The following TBCD variants were observed in gnomAD, a reference collection of about 807,000 sequenced individuals.
The protein encoded by TBCD is tubulin-specific chaperone D.
TBCD carries 105 observed loss-of-function variants against 169.3 expected under a neutral mutation model. The ratio of observed to expected loss-of-function variants is 0.62; its 90% CI spans 0.53 to 0.73. The LOEUF (loss-of-function observed/expected upper bound fraction) is 0.73, where lower values mean the gene tolerates loss of function less well. Among genes scored for constraint, TBCD ranks in the 30% least tolerant of loss-of-function variants. The pLI is 0.00. For synonymous variants in TBCD, 700 were observed against 643.9 expected (o/e 1.09, Z -1.32); for missense variants, 1,444 against 1,600.1 (o/e 0.90, Z 1.66).
intron 3 of TBCD, among the ~76,000 whole-genome samples, chr17:82,765,439 G>A (rs1460797027): frequency 6.6e-6 from 1 of 152,088 alleles, no homozygotes; most frequent in Non-Finnish European, 1.5e-5. Context: ...ACAAGCTTGC[G>A]GGTGTCTGTG....
At chr17:82,852,582 C>T (rs559437757) in intron 13 of TBCD, among the ~76,000 whole-genome samples, 35 of 152,236 alleles carry the variant, frequency 2.3e-4, no homozygotes, top group African/African-American at 7.5e-4. Context: ...TCTTCTTAGG[C>T]GGACACTGGT....
intron 13 of TBCD, among the ~76,000 whole-genome samples, chr17:82,850,227 G>C (rs1373286227): frequency 4.9e-5 from 7 of 141,790 alleles, no homozygotes; most frequent in East Asian, 2.1e-4. Flanking sequence ...GCTGCTGTTG[G>C]CTGTGCTGCT....
chr17:82,851,378 T>A (rs1160261162), intron 13 of TBCD, among the ~76,000 whole-genome samples: 1 of 152,234 alleles, frequency 6.6e-6, no homozygotes, highest in African/African-American at 2.4e-5. Context: ...GTGACGAAAT[T>A]GTGGCCTGCA....
At chr17:82,794,510 T>C (rs988104368) in intron 7 of TBCD, among the ~76,000 whole-genome samples, 35 of 152,130 alleles carry the variant, frequency 2.3e-4, no homozygotes, top group African/African-American at 7.2e-4. Flanking sequence ...TGGTTCCCAT[T>C]ATGCTTCCAT....
rs570154400 is a variant in TBCD at position 82,834,095 on chromosome 17, C to T, written c.1318+19161C>T. Among the ~76,000 whole-genome samples the T allele has an allele frequency of 3.3e-5, 5 of 152,328 alleles. No individual in the cohort carries two copies. The South Asian group carries it at 1.0e-3, about 32-fold the overall frequency. ...GAGTAGCTGGAATTACAGGCGCCCA[C>T]CACCATGCCCAGCTAATTTTTTTTG... On this transcript the variant is annotated intron_variant, in intron 13 of 38. Coordinates refer to ENST00000355528, the MANE Select transcript of TBCD (RefSeq NM_005993.5).
In TBCD at chr17:82,874,591, C is replaced by T. The variant is rs898093; in HGVS notation, c.1475+4211C>T. Among the ~76,000 whole-genome samples, 79,389 of 151,928 alleles carry T rather than the reference C, an allele frequency of 0.52. 21,577 individuals are homozygous for T. The highest frequency in any genetic ancestry group is 0.71 in the East Asian group (3,661 of 5,130). ...CCAAGGGTGCCCTTGGAGCCGTGCCCGCCGGCCTGGGTGTCAGGCTTGTCC... is the reference window on the plus strand; with the variant it reads ...CCAAGGGTGCCCTTGGAGCCGTGCCTGCCGGCCTGGGTGTCAGGCTTGTCC... On this transcript the variant is annotated intron_variant, in intron 14 of 38. Coordinates refer to ENST00000355528, the MANE Select transcript of TBCD (RefSeq NM_005993.5). This position sits in a 1 kb window ranked among gnomAD's most constrained non-coding sequence, Gnocchi z 5.0.
chr17:82,939,923 TCCTCAGGGCCATGAGGC>T (rs1170930866), intron 37 of TBCD, among the ~76,000 whole-genome samples: 1 of 152,166 alleles, frequency 6.6e-6, no homozygotes, highest in Non-Finnish European at 1.5e-5. Flanking sequence ...TCCACCCCCT[TCCTCAGGGCCATGAGGC>T]CCTCAGGAGG....
intron 13 of TBCD, chr17:82,860,320 T>C: frequency 1.0e-6 from 1 of 962,366 alleles, no homozygotes; most frequent in Non-Finnish European, 1.2e-6. Flanking sequence ...GCGCTGAGCG[T>C]CCCCTCCCCT....
chr17:82,820,635 C>A (rs140281480), intron 13 of TBCD, among the ~76,000 whole-genome samples: 1 of 152,054 alleles, frequency 6.6e-6, no homozygotes, highest in Non-Finnish European at 1.5e-5. Flanking sequence ...CTATGAGTCT[C>A]TTAGGTTTTG....
At chr17:82,755,612 C>T (rs189590593) in intron 1 of TBCD, among the ~76,000 whole-genome samples, 1 of 152,222 alleles carries the variant, frequency 6.6e-6, no homozygotes, top group East Asian at 1.9e-4. Flanking sequence ...ATAATGAGGC[C>T]TATGTGGACC....
Position 82,752,242 on chromosome 17 carries a change from G to C in TBCD, c.49G>C (p.Glu17Gln), listed in dbSNP as rs775011890. ...PAAGGPEEEAEDETLAFGAAL... is the reference protein window; with the variant it reads ...PAAGGPEEEAQDETLAFGAAL... ...CGCGGGCGGCCCCGAGGAGGAGGCGGAGGACGAGACACTGGCCTTTGGCGC... is the reference window on the plus strand; with the variant it reads ...CGCGGGCGGCCCCGAGGAGGAGGCGCAGGACGAGACACTGGCCTTTGGCGC... Residue 17 changes from glutamate to glutamine, a missense_variant, in exon 1 of 39, where the codon GAG becomes CAG. Physicochemically the swap from Glu to Gln is conservative, Grantham distance 29. Coordinates refer to ENST00000355528, the MANE Select transcript of TBCD (RefSeq NM_005993.5). 4 of 1,526,296 alleles carry C rather than the reference G, an allele frequency of 2.6e-6. No homozygotes were observed. Among genetic ancestry groups the C allele is most frequent in the Non-Finnish European group, 2.6e-6 (3 of 1,140,474 alleles). The allele number at this position is 1,526,296 out of a possible 1,614,324, so 94.5% of individuals were successfully genotyped here.
At chr17:82,803,211 C>CT (rs1454427498) in intron 9 of TBCD, among the ~76,000 whole-genome samples, 2 of 152,190 alleles carry the variant, frequency 1.3e-5, no homozygotes. Context: ...TAGGGTGGGT[C>CT]TTTCTCAGCT....
chr17:82,890,174 A>AC lies in TBCD; in HGVS notation c.1563+480dup, dbSNP rs1253215359. On this transcript the variant is annotated intron_variant, in intron 16 of 38. Coordinates refer to ENST00000355528, the MANE Select transcript of TBCD (RefSeq NM_005993.5). The surrounding 1 kb of genome is among the most constrained non-coding windows in gnomAD (Gnocchi z 5.3). Reference sequence around the variant, plus strand: ...GGGGCTGCTTTTGCTGTGCCCTCTGACCCTGACATCTGGTCACTGGTCAGC... The same window carrying AC: ...GGGGCTGCTTTTGCTGTGCCCTCTGACCCCTGACATCTGGTCACTGGTCAGC... Among the ~76,000 whole-genome samples, 4 of 152,294 alleles carry AC rather than the reference A, an allele frequency of 2.6e-5. No homozygotes were observed. The East Asian group carries it at 7.7e-4, about 29-fold the overall frequency.
chr17:82,939,510 G>A (rs1275470531), intron 37 of TBCD, 34 bp downstream of exon 37: 1 of 1,516,176 alleles, frequency 6.6e-7, no homozygotes, highest in East Asian at 2.3e-5. Flanking sequence ...GGCCACCTGG[G>A]CCTGGCACCG....
chr17:82,809,857 C>A, intron 12 of TBCD, 75 bp downstream of exon 12: 3 of 1,383,264 alleles, frequency 2.2e-6, no homozygotes, highest in Non-Finnish European at 3.0e-6. Flanking sequence ...TATATCCTTT[C>A]ACGCTTGCTT....
chr17:82,940,874 G>T (rs1254976946), intron 37 of TBCD, among the ~76,000 whole-genome samples: 1 of 152,190 alleles, frequency 6.6e-6, no homozygotes, highest in Non-Finnish European at 1.5e-5. Flanking sequence ...CTGGGTCGGG[G>T]TGGCCTCCTT....
At chr17:82,792,165 G>A (rs562000231) in intron 7 of TBCD, among the ~76,000 whole-genome samples, 1 of 152,072 alleles carries the variant, frequency 6.6e-6, no homozygotes, top group Non-Finnish European at 1.5e-5. Flanking sequence ...AAAATTAGCC[G>A]GGCGTGGTGG....
intron 13 of TBCD, among the ~76,000 whole-genome samples, chr17:82,820,402 C>CTATT (rs1459848235): frequency 6.6e-6 from 1 of 152,226 alleles, no homozygotes; most frequent in African/African-American, 2.4e-5. Context: ...TGTATGAACC[C>CTATT]TATTTCCCTT....
chr17:82,942,166 A>G (rs1157800060), intron 38 of TBCD: 4 of 551,466 alleles, frequency 7.3e-6, no homozygotes, highest in Non-Finnish European at 1.3e-5. Context: ...TGCTTTTTAC[A>G]TTTTTATTAG....
Sources: allele counts gnomAD v4.1 joint callset (sites outside exome capture counted in the v4.1 genomes callset), GRCh38; gene constraint gnomAD v4.1.1; non-coding constraint Gnocchi (gnomAD v3.1); transcripts MANE v1.5; gene names NCBI Gene and HGNC (gene_info 2026-07-23, HGNC 2026-07-21).